The following ARHGAP23 variants were observed in gnomAD, a reference collection of about 807,000 sequenced individuals.
ARHGAP23 encodes Rho GTPase activating protein 23, also known as rho GTPase-activating protein 23.
Under a neutral mutation model 136.3 loss-of-function variants are expected in ARHGAP23, and 34 were observed. That is an observed-to-expected ratio of 0.25 (90% CI 0.19 to 0.33). The LOEUF is 0.33. Ranked by LOEUF, ARHGAP23 falls within the 10% of genes least tolerant of loss-of-function variation. The probability of loss-of-function intolerance (pLI) is 1.00; values close to 1 mark genes in which losing one functional copy is unlikely to be tolerated. For missense variants in ARHGAP23, 1,808 were observed against 2,139.0 expected (o/e 0.85, Z 3.05); for synonymous variants, 832 against 920.5 (o/e 0.90, Z 1.74).
In ARHGAP23 at chr17:38,475,158, G is replaced by A. The variant is rs568574910; in HGVS notation, c.2119-2421G>A. ...CTCAGGCCCTTGGTCCACCCAGGCC[G>A]TGGGCACCCTCTCTGTGCTCCCTCC... On this transcript the variant is annotated intron_variant, in intron 11 of 23. Transcript: ENST00000622683. Among the ~76,000 whole-genome samples the A allele has an allele frequency of 4.8e-3, 731 of 152,324 alleles. 5 individuals are homozygous for A. The highest frequency in any genetic ancestry group is 0.017 in the African/African-American group (702 of 41,580).
At chr17:38,487,627 A>G in intron 17 of ARHGAP23, among the ~76,000 whole-genome samples, 1 of 152,084 alleles carries the variant, frequency 6.6e-6, no homozygotes, top group East Asian at 1.9e-4. Context: ...AGCACTTTGG[A>G]AGGCTGAGGC....
At chr17:38,498,978 G>C (rs1460701899) in intron 22 of ARHGAP23, 2 of 693,586 alleles carry the variant, frequency 2.9e-6, no homozygotes, top group Admixed American at 2.0e-5. Flanking sequence ...TCGCGGCCTC[G>C]GTCACTAACA....
intron 14 of ARHGAP23, among the ~76,000 whole-genome samples, chr17:38,481,060 C>T (rs1168834828): frequency 6.6e-6 from 1 of 152,108 alleles, no homozygotes; most frequent in Non-Finnish European, 1.5e-5. Context: ...ATTGCAACCT[C>T]CACCTCTTAG....
chr17:38,425,135 T>C (rs1567766499), upstream of ARHGAP23, among the ~76,000 whole-genome samples: 4 of 152,278 alleles, frequency 2.6e-5, no homozygotes, highest in Middle Eastern at 3.4e-3. Flanking sequence ...CAAACCAGGC[T>C]AGCACGGAAG....
chr17:38,499,945 T>C (rs190366918), intron 22 of ARHGAP23, among the ~76,000 whole-genome samples: 152 of 152,040 alleles, frequency 1.0e-3, no homozygotes, highest in Non-Finnish European at 1.6e-3. Flanking sequence ...ATGCTTTTGG[T>C]CTCCTTCATA....
At chr17:38,489,849 A>G (rs1363171570) in intron 17 of ARHGAP23, 1 of 483,380 alleles carries the variant, frequency 2.1e-6, no homozygotes, top group African/African-American at 1.9e-5. Context: ...TGCAGCTCAG[A>G]TGGTATTGCC....
intron 1 of ARHGAP23, among the ~76,000 whole-genome samples, chr17:38,455,688 G>A (rs1432429165): frequency 6.6e-6 from 1 of 152,222 alleles, no homozygotes; most frequent in Non-Finnish European, 1.5e-5. Flanking sequence ...TGGGGGACAG[G>A]CAGGGGGCAG....
intron 7 of ARHGAP23, among the ~76,000 whole-genome samples, chr17:38,467,762 G>T (rs1639649453): frequency 6.7e-6 from 1 of 149,906 alleles, no homozygotes; most frequent in Non-Finnish European, 1.5e-5. Flanking sequence ...TCATTCATTT[G>T]TTCCATCCTT....
At chr17:38,447,563 T>A (rs557003660) in intron 1 of ARHGAP23, among the ~76,000 whole-genome samples, 7 of 151,514 alleles carry the variant, frequency 4.6e-5, no homozygotes, top group Non-Finnish European at 1.0e-4. Flanking sequence ...GCTCTCAGTC[T>A]AAGGGGGAGA....
chr17:38,438,187 G>T (rs1337115728), intron 1 of ARHGAP23, among the ~76,000 whole-genome samples: 1 of 152,118 alleles, frequency 6.6e-6, no homozygotes. Flanking sequence ...TGGGCGTGGT[G>T]GCATGCGCCT....
At chr17:38,472,044 A>C (rs1403803055) in intron 11 of ARHGAP23, 38 bp downstream of exon 11, 1 of 1,515,896 alleles carries the variant, frequency 6.6e-7, no homozygotes, top group African/African-American at 1.4e-5. Context: ...AGCTGGCTCC[A>C]GCAGAACCCT....
upstream of ARHGAP23, among the ~76,000 whole-genome samples, chr17:38,427,001 G>C (rs1260183050): frequency 6.6e-6 from 1 of 152,128 alleles, no homozygotes; most frequent in Non-Finnish European, 1.5e-5. Flanking sequence ...CTCTCTCCAA[G>C]TCCTATTTTA....
chr17:38,440,159 T>C (rs957905649), intron 1 of ARHGAP23, among the ~76,000 whole-genome samples: 2 of 152,138 alleles, frequency 1.3e-5, no homozygotes, highest in African/African-American at 4.8e-5. Context: ...GCTGGAACTA[T>C]AGGCACGCAC....
chr17:38,459,874 G>T (rs957423454), intron 2 of ARHGAP23, among the ~76,000 whole-genome samples: 1 of 152,180 alleles, frequency 6.6e-6, no homozygotes, highest in Non-Finnish European at 1.5e-5. Context: ...GAGGACGGGG[G>T]CAGAGTGCTT....
chr17:38,428,594 G>A, intron 1 of ARHGAP23, 46 bp downstream of exon 1: 1 of 1,291,980 alleles, frequency 7.7e-7, no homozygotes, highest in African/African-American at 1.5e-5. Flanking sequence ...GTAGCTGCTG[G>A]GGAGCGGGCT....
rs565674416 is a variant in ARHGAP23, at chr17:38,490,303, G to C, written c.3060+128G>C. On this transcript the variant is annotated intron_variant, in intron 18 of 23. Coordinates refer to ENST00000622683, the MANE Select transcript of ARHGAP23 (RefSeq NM_001199417.2). ...TTGGAGAAGCCCCGCTCCACTCAGGGCCTCAGTTTCCCCGTCCATACAAGA... is the reference window on the plus strand; with the variant it reads ...TTGGAGAAGCCCCGCTCCACTCAGGCCCTCAGTTTCCCCGTCCATACAAGA... 4 of 1,157,648 alleles carry C rather than the reference G, an allele frequency of 3.5e-6. No individual in the cohort carries two copies. In the South Asian group the frequency reaches 4.0e-5, roughly 12 times the overall value. The allele number at this position is 1,157,648 out of a possible 1,614,324, so 71.7% of individuals were successfully genotyped here.
chr17:38,479,117 G>C (rs543301969), intron 12 of ARHGAP23, among the ~76,000 whole-genome samples: 1 of 152,306 alleles, frequency 6.6e-6, no homozygotes, highest in South Asian at 2.1e-4. Flanking sequence ...AGTCCCTCCT[G>C]GGGCACCTCC....
intron 3 of ARHGAP23, 86 bp downstream of exon 3, chr17:38,461,018 TC>T: frequency 6.7e-7 from 1 of 1,493,138 alleles, no homozygotes; most frequent in Non-Finnish European, 8.9e-7. Flanking sequence ...AGACTGCCTG[TC>T]CTTTTCTGTG....
intron 1 of ARHGAP23, among the ~76,000 whole-genome samples, chr17:38,436,254 C>T (rs900135862): frequency 6.6e-6 from 1 of 152,192 alleles, no homozygotes; most frequent in Non-Finnish European, 1.5e-5. Context: ...GAAACAGCCC[C>T]TCTTCCTTCC....
Sources: gnomAD v4.1 joint callset for allele counts (sites outside exome capture counted in the v4.1 genomes callset) on GRCh38, gnomAD v4.1.1 for gene constraint, MANE v1.5 for transcripts, NCBI Gene and HGNC (gene_info 2026-07-23, HGNC 2026-07-21) for gene names.